Variants in HPSE2 observed in about 807,000 individuals in gnomAD.
The protein encoded by HPSE2 is inactive heparanase-2.
HPSE2 carries 38 observed loss-of-function variants against 60.5 expected under a neutral mutation model. The ratio of observed to expected loss-of-function variants is 0.63; its 90% confidence interval spans 0.48 to 0.82. The LOEUF (loss-of-function observed/expected upper bound fraction) is 0.82. Among genes scored for constraint, HPSE2 ranks in the 40% least tolerant of loss-of-function variants. The pLI is 0.00. For synonymous variants in HPSE2, 295 were observed against 293.2 expected, an observed-to-expected ratio of 1.01 and a Z score of -0.06; for missense variants, 713 against 740.4, an observed-to-expected ratio of 0.96 and a Z score of 0.43.
At chr10:99,041,584 C>A (rs1957740937) in intron 3 of HPSE2, among the ~76,000 whole-genome samples, 1 of 152,170 alleles carries the variant, frequency 6.6e-6, no homozygotes, top group Non-Finnish European at 1.5e-5. Flanking sequence ...CTGAACACCC[C>A]AGCACCAGCT....
intron 5 of HPSE2, among the ~76,000 whole-genome samples, chr10:98,717,653 A>C (rs1301144099): frequency 1.3e-5 from 2 of 152,078 alleles, no homozygotes; most frequent in Non-Finnish European, 2.9e-5. Flanking sequence ...TTGTTGATTA[A>C]GTTTGCCATC....
chr10:98,883,244 A>G lies in HPSE2; in HGVS notation c.611-139188T>C, dbSNP rs528837977. Among the ~76,000 whole-genome samples, 9 of 152,260 alleles carry G rather than the reference A, an allele frequency of 5.9e-5. No individual in the cohort carries two copies. In the South Asian group the frequency reaches 1.2e-3, roughly 21 times the overall value. On this transcript the variant is annotated intron_variant, in intron 3 of 11. Transcript: ENST00000370552. ...CTTTTTTAACAGTAAAAACTTCTCAATGATGGCTTGTATCCAAGTAAATAC... is the reference window on the plus strand; with the variant it reads ...CTTTTTTAACAGTAAAAACTTCTCAGTGATGGCTTGTATCCAAGTAAATAC...
chr10:98,673,604 T>C (rs1465797184), intron 6 of HPSE2, among the ~76,000 whole-genome samples: 3 of 152,174 alleles, frequency 2.0e-5, no homozygotes, highest in African/African-American at 7.2e-5. Flanking sequence ...ATTATCATCT[T>C]CCCATCCTTC....
At position 98,750,336 on chromosome 10, in the gene HPSE2, C is replaced by A. The variant is rs990646595; in HGVS notation, c.611-6280G>T. ...GATCACAGTGGTAGCAAGGACATGTCACGAAGGGCCTTACTGGTCATTATA... is the reference window on the plus strand; with the variant it reads ...GATCACAGTGGTAGCAAGGACATGTAACGAAGGGCCTTACTGGTCATTATA... On this transcript the variant is annotated intron_variant, in intron 3 of 11. Transcript: ENST00000370552. 5.9e-5 allele frequency among the ~76,000 whole-genome samples: 9 copies of A among 152,190 alleles called. No homozygotes were observed. In the East Asian group the frequency reaches 1.7e-3, roughly 29 times the overall value.
intron 6 of HPSE2, among the ~76,000 whole-genome samples, chr10:98,676,838 C>G (rs1047701771): frequency 2.0e-5 from 3 of 151,954 alleles, no homozygotes; most frequent in East Asian, 1.9e-4. Context: ...ATAGTATTCT[C>G]TTTCTTAAAA....
chr10:99,305,979 G>GCGCGCGCGCGCA, the HPSE2 span, among the ~76,000 whole-genome samples: 3 of 80,580 alleles, frequency 3.7e-5, no homozygotes, highest in African/African-American at 5.4e-5. Context: ...GCGCGCGCGC[G>GCGCGCGCGCGCA]CACACACACA....
rs1944411230 is a variant in HPSE2, at chr10:98,568,611, C to A, written c.1320+46293G>T. ...TGTGGCCTTGTTATCTTCTTTGAAACCCTGGTTGACTTCTCTTTCTCTCTA... is the reference window on the plus strand; with the variant it reads ...TGTGGCCTTGTTATCTTCTTTGAAAACCTGGTTGACTTCTCTTTCTCTCTA... On this transcript the variant is annotated intron_variant, in intron 9 of 11. Coordinates refer to ENST00000370552, the MANE Select transcript of HPSE2 (RefSeq NM_021828.5). 3.9e-5 allele frequency among the ~76,000 whole-genome samples: 6 copies of A among 152,214 alleles called. No individual in the cohort carries two copies. In the South Asian group the frequency reaches 1.2e-3, roughly 32 times the overall value.
At chr10:98,581,543 A>T (rs1014384946) in intron 9 of HPSE2, among the ~76,000 whole-genome samples, 2 of 152,206 alleles carry the variant, frequency 1.3e-5, no homozygotes, top group Non-Finnish European at 2.9e-5. Context: ...CAGTAAGTAC[A>T]GCTGTCAGAA....
chr10:98,736,846 T>TC (rs2134303581), intron 4 of HPSE2, among the ~76,000 whole-genome samples: 1 of 152,340 alleles, frequency 6.6e-6, no homozygotes, highest in Admixed American at 6.5e-5. Context: ...GAGAAGGAAT[T>TC]CAAGGATTCC....
intron 3 of HPSE2, among the ~76,000 whole-genome samples, chr10:98,813,621 A>T (rs1951217470): frequency 6.6e-6 from 1 of 152,184 alleles, no homozygotes; most frequent in South Asian, 2.1e-4. Flanking sequence ...AATCAATCAG[A>T]TTGGGACCCA....
chr10:98,538,802 T>A (rs1266171045), intron 9 of HPSE2, among the ~76,000 whole-genome samples: 2 of 152,188 alleles, frequency 1.3e-5, no homozygotes, highest in Admixed American at 6.5e-5. Context: ...TCTAGAGAAC[T>A]GCTTGTTTAG....
intron 9 of HPSE2, among the ~76,000 whole-genome samples, chr10:98,614,702 T>A (rs112739724): frequency 5.1e-5 from 6 of 117,830 alleles, no homozygotes; most frequent in Non-Finnish European, 7.9e-5. Flanking sequence ...AGTGAACAGA[T>A]GTGTGTGTGT....
At chr10:98,495,332 A>C (rs1941796913) in intron 9 of HPSE2, among the ~76,000 whole-genome samples, 1 of 152,128 alleles carries the variant, frequency 6.6e-6, no homozygotes, top group Admixed American at 6.5e-5. Context: ...GGCCTTTAAA[A>C]TCTGATTAAA....
chr10:99,207,232 G>A (rs905557288), intron 2 of HPSE2, among the ~76,000 whole-genome samples: 1 of 152,100 alleles, frequency 6.6e-6, no homozygotes, highest in African/African-American at 2.4e-5. Context: ...TTATAGGCCA[G>A]GAGACAGAAG....
chr10:98,963,637 A>G (rs995765332), intron 3 of HPSE2, among the ~76,000 whole-genome samples: 5 of 152,196 alleles, frequency 3.3e-5, no homozygotes, highest in Admixed American at 1.3e-4. Context: ...AAACATCAAG[A>G]AATACGTAAG....
intron 3 of HPSE2, among the ~76,000 whole-genome samples, chr10:99,032,513 C>T (rs977779864): frequency 6.6e-6 from 1 of 152,134 alleles, no homozygotes; most frequent in East Asian, 1.9e-4. Context: ...TTTATTTATG[C>T]CTCTGCTTTT....
At chr10:98,648,447 C>A (rs1241167030) in intron 6 of HPSE2, among the ~76,000 whole-genome samples, 1 of 152,102 alleles carries the variant, frequency 6.6e-6, no homozygotes, top group African/African-American at 2.4e-5. Context: ...TGAAACTTAA[C>A]ACAAGTTGTG....
chr10:99,195,388 A>C (rs182543299), intron 2 of HPSE2, among the ~76,000 whole-genome samples: 231 of 152,106 alleles, frequency 1.5e-3, no homozygotes, highest in African/African-American at 5.3e-3. Flanking sequence ...AAAAAAACAA[A>C]GGGCCTCAAA....
At chr10:98,601,190 G>A (rs1165029404) in intron 9 of HPSE2, among the ~76,000 whole-genome samples, 1 of 151,958 alleles carries the variant, frequency 6.6e-6, no homozygotes, top group African/African-American at 2.4e-5. Flanking sequence ...CTGATTGGAT[G>A]AAGCCCATCC....
Sources: gnomAD v4.1 joint callset for allele counts (sites outside exome capture counted in the v4.1 genomes callset) on GRCh38, gnomAD v4.1.1 for gene constraint, MANE v1.5 for transcripts, NCBI Gene and HGNC (gene_info 2026-07-23, HGNC 2026-07-21) for gene names.